The following TMEM232 variants were observed in gnomAD, a reference collection of about 807,000 sequenced individuals.
TMEM232 encodes the protein transmembrane protein 232.
TMEM232 carries 80 observed loss-of-function variants against 78.8 expected under a neutral mutation model. That is an observed-to-expected ratio of 1.01 (90% confidence interval 0.85 to 1.22). TMEM232 has a LOEUF of 1.22. TMEM232 is among the 50% of genes most tolerant of loss of function. The pLI is 0.00. For synonymous variants in TMEM232, 297 were observed against 254.3 expected (o/e 1.17, Z -1.60); for missense variants, 881 against 742.2 (o/e 1.19, Z -2.17).
intron 12 of TMEM232, among the ~76,000 whole-genome samples, chr5:110,514,184 C>T (rs1050564888): frequency 1.3e-5 from 2 of 152,078 alleles, no homozygotes; most frequent in African/African-American, 4.8e-5. Context: ...TCACCATACC[C>T]CCGAAATACA....
At chr5:110,715,467 C>T (rs1005421829) in intron 1 of TMEM232, among the ~76,000 whole-genome samples, 15 of 152,140 alleles carry the variant, frequency 9.9e-5, no homozygotes, top group African/African-American at 3.6e-4. Flanking sequence ...AAGAACTGAA[C>T]ACTGAATGTC....
chr5:110,406,275 C>A (rs770109879), intron 2 of TMEM232, among the ~76,000 whole-genome samples: 2 of 144,466 alleles, frequency 1.4e-5, no homozygotes, highest in Non-Finnish European at 3.0e-5. Flanking sequence ...TACACACACA[C>A]ACACACACAC....
intron 12 of TMEM232, among the ~76,000 whole-genome samples, chr5:110,483,721 C>T (rs1402437087): frequency 6.6e-6 from 1 of 151,660 alleles, no homozygotes; most frequent in Non-Finnish European, 1.5e-5. Flanking sequence ...GCACGTTGTG[C>T]ACATGTACCC....
Position 110,568,567 on chromosome 5 carries a change from T to G in TMEM232, c.1335A>C (p.Ser445=), listed in dbSNP as rs780968369. 5 of 1,549,714 alleles carry G rather than the reference T, an allele frequency of 3.2e-6. No homozygotes were observed. Among genetic ancestry groups the G allele is most frequent in the South Asian group, 2.4e-5 (2 of 83,978 alleles). ...GTTCTTCGTCTCCTTGAAGTTCCCA[T>G]GAAATTTTCACCAGGTTATACACTA... The part of the protein sequence containing the change: ...YGLVYNLVKI[S]WELQGDEEQD... Residue 445 remains serine (S), a synonymous_variant, in exon 11 of 14, where the codon TCA becomes TCC. Transcript: ENST00000455884.
chr5:110,614,338 A>T (rs774504718), intron 8 of TMEM232, among the ~76,000 whole-genome samples: 2 of 152,050 alleles, frequency 1.3e-5, no homozygotes, highest in African/African-American at 2.4e-5. Flanking sequence ...AAACTCTTAA[A>T]ATCTGGTTCC....
At chr5:110,448,064 AC>A (rs1271341948) in intron 12 of TMEM232, among the ~76,000 whole-genome samples, 3 of 152,082 alleles carry the variant, frequency 2.0e-5, no homozygotes, top group Non-Finnish European at 2.9e-5. Context: ...AAAACTGAAT[AC>A]TAAAGAAAAA....
chr5:110,676,447 G>A (rs918613065), intron 1 of TMEM232, among the ~76,000 whole-genome samples: 2 of 151,246 alleles, frequency 1.3e-5, no homozygotes, highest in African/African-American at 4.9e-5. Context: ...CCAGGCTGGA[G>A]TGCACTGGCC....
chr5:110,695,874 C>T (rs1051210988), intron 1 of TMEM232, among the ~76,000 whole-genome samples: 6 of 152,132 alleles, frequency 3.9e-5, no homozygotes, highest in Non-Finnish European at 7.4e-5. Context: ...ACCAGAGGTA[C>T]AAGGAGAAGC....
Position 110,407,139 on chromosome 5 carries a change from A to G in TMEM232, n.309-9285T>C, listed in dbSNP as rs899770202. Reference sequence around the variant, plus strand: ...TGATAGTAGTTACTTATTACTTATCAATATAACACATATTGGTATAAGTAA... The same window carrying G: ...TGATAGTAGTTACTTATTACTTATCGATATAACACATATTGGTATAAGTAA... On this transcript the variant is annotated intron_variant and non_coding_transcript_variant, in intron 2 of 8. Coordinates refer to the TMEM232 transcript ENST00000507188. Among the ~76,000 whole-genome samples, 5 of 152,102 alleles carry G rather than the reference A, an allele frequency of 3.3e-5. No individual in the cohort carries two copies. The East Asian group carries it at 7.7e-4, about 23-fold the overall frequency.
intron 2 of TMEM232, among the ~76,000 whole-genome samples, chr5:110,408,224 G>A (rs62376064): frequency 6.6e-6 from 1 of 152,070 alleles, no homozygotes; most frequent in East Asian, 1.9e-4. Context: ...AATTAGAGAA[G>A]CAAGAACAAA....
At chr5:110,726,229 A>G (rs1401908384) in intron 1 of TMEM232, among the ~76,000 whole-genome samples, 7 of 152,066 alleles carry the variant, frequency 4.6e-5, no homozygotes, top group South Asian at 2.1e-4. Context: ...AAAAGGTGCA[A>G]TTTCACCAAC....
chr5:110,637,309 G>A (rs1561430694), intron 5 of TMEM232, among the ~76,000 whole-genome samples: 2 of 151,414 alleles, frequency 1.3e-5, no homozygotes, highest in Admixed American at 6.6e-5. Context: ...TTTTTTGCAC[G>A]GTTAATTTCT....
intron 12 of TMEM232, among the ~76,000 whole-genome samples, chr5:110,495,458 T>A (rs576248251): frequency 4.4e-4 from 67 of 152,104 alleles, no homozygotes; most frequent in African/African-American, 1.5e-3. Flanking sequence ...AAATAATGTT[T>A]CAGAGACGAT....
At chr5:110,408,565 G>A (rs986545122) in intron 2 of TMEM232, among the ~76,000 whole-genome samples, 20 of 152,022 alleles carry the variant, frequency 1.3e-4, no homozygotes, top group South Asian at 6.3e-4. Context: ...ACTCCAGCCC[G>A]GGTGACAGAG....
intron 2 of TMEM232, among the ~76,000 whole-genome samples, chr5:110,410,258 A>G (rs879800331): frequency 6.6e-6 from 1 of 152,248 alleles, no homozygotes; most frequent in Non-Finnish European, 1.5e-5. Context: ...AGGCTAAAAC[A>G]TATTTTATTT....
At chr5:110,520,209 G>C (rs1722213368) in intron 12 of TMEM232, among the ~76,000 whole-genome samples, 1 of 151,826 alleles carries the variant, frequency 6.6e-6, no homozygotes, top group South Asian at 2.1e-4. Flanking sequence ...TAGAGTGACA[G>C]ATACTCTAAT....
chr5:110,721,783 C>T lies in TMEM232; in HGVS notation c.-13+4844G>A, dbSNP rs186900407. ...TTACCTGTTTTGTATATTAGACATC[C>T]GAATAAGAAAGACATAGTTTAAACA... On this transcript the variant is annotated intron_variant, in intron 1 of 13. Transcript: ENST00000455884. Among the ~76,000 whole-genome samples the T allele has an allele frequency of 2.0e-3, 299 of 148,584 alleles. 1 individual carries two copies. The highest frequency in any genetic ancestry group is 7.1e-3 in the African/African-American group (287 of 40,572).
At chr5:110,721,533 T>C (rs1448382308) in intron 1 of TMEM232, among the ~76,000 whole-genome samples, 1 of 151,014 alleles carries the variant, frequency 6.6e-6, no homozygotes, top group Non-Finnish European at 1.5e-5. Context: ...GTTCTCAAGA[T>C]AACAGTATCA....
At chr5:110,577,130 T>A (rs563980154) in intron 10 of TMEM232, among the ~76,000 whole-genome samples, 1 of 152,112 alleles carries the variant, frequency 6.6e-6, no homozygotes, top group Non-Finnish European at 1.5e-5. Flanking sequence ...ACATTATGTA[T>A]CTGACAAATA....
Sources: gnomAD v4.1 joint callset for allele counts (sites outside exome capture counted in the v4.1 genomes callset) on GRCh38, gnomAD v4.1.1 for gene constraint, MANE v1.5 for transcripts, NCBI Gene and HGNC (gene_info 2026-07-23, HGNC 2026-07-21) for gene names.